Variants in MEI4 observed in about 807,000 individuals in gnomAD.
MEI4 encodes the protein meiosis-specific protein MEI4.
In MEI4, 27 loss-of-function variants were observed where a neutral mutation model predicts 31.4. The ratio of observed to expected loss-of-function variants is 0.86; its 90% CI spans 0.63 to 1.19. The LOEUF is 1.19. Ranked by LOEUF, MEI4 falls within the 50% of genes most tolerant of loss-of-function variation. The probability of loss-of-function intolerance (pLI) is 0.00; values close to 1 mark genes in which losing one functional copy is unlikely to be tolerated. For synonymous variants in MEI4, 122 were observed against 145.4 expected (o/e 0.84, Z 1.16); for missense variants, 329 against 398.9 (o/e 0.82, Z 1.49).
In MEI4 at chr6:77,795,415, T is replaced by C. The variant is rs147963952; in HGVS notation, c.769-33516T>C. ...TGCACTCACATCAAAATACAAGCCTTTTGTCCTACCTACCCTTGACCTAGC... is the reference window on the plus strand; with the variant it reads ...TGCACTCACATCAAAATACAAGCCTCTTGTCCTACCTACCCTTGACCTAGC... On this transcript the variant is annotated intron_variant, in intron 3 of 4. Transcript: ENST00000684080. Among the ~76,000 whole-genome samples, 154 of 152,142 alleles carry C rather than the reference T, an allele frequency of 1.0e-3. 1 individual carries two copies. The highest frequency in any genetic ancestry group is 3.5e-3 in the African/African-American group (144 of 41,534).
At position 77,907,993 on chromosome 6, in the gene MEI4, G is replaced by GTT. The variant is rs36134334; in HGVS notation, c.901-15084_901-15083dup. Among the ~76,000 whole-genome samples, 351 of 144,298 alleles carry GTT rather than the reference G, an allele frequency of 2.4e-3. 2 individuals carry two copies. The highest frequency in any genetic ancestry group is 5.4e-3 in the South Asian group (25 of 4,622). 94.7% of individuals were successfully genotyped at this position (144,298 alleles called of 152,430 possible). A position where few individuals can be genotyped will look rare whatever the true frequency, so the allele number is the denominator to read the frequency against. ...TATCCTTCACGCACTTGTTGATGGG[G>GTT]TTTTTTTTTTTTTCTTGTAAATTTG... On this transcript the variant is annotated intron_variant, in intron 4 of 4. Coordinates refer to ENST00000684080, the MANE Select transcript of MEI4 (RefSeq NM_001322247.2).
chr6:77,791,579 C>T (rs1768935130), intron 3 of MEI4, among the ~76,000 whole-genome samples: 1 of 148,668 alleles, frequency 6.7e-6, no homozygotes, highest in South Asian at 2.1e-4. Flanking sequence ...ATACCTAATG[C>T]TAGATGACGA....
intron 4 of MEI4, among the ~76,000 whole-genome samples, chr6:77,875,139 T>C (rs1320705552): frequency 1.3e-5 from 2 of 152,226 alleles, no homozygotes; most frequent in African/African-American, 4.8e-5. Flanking sequence ...TCAGCTTCCT[T>C]GAGGGTCCCA....
Position 77,715,221 on chromosome 6 carries a change from A to C in MEI4, c.232+24318A>C, listed in dbSNP as rs370982581. Among the ~76,000 whole-genome samples the C allele has an allele frequency of 1.1e-4, 17 of 152,294 alleles. 1 individual carries two copies. In the East Asian group the frequency reaches 2.3e-3, roughly 21 times the overall value. On this transcript the variant is annotated intron_variant, in intron 2 of 4. Transcript: ENST00000684080. ...AAGAGATTATTCTGCTCTCTTGGTT[A>C]AGTGTATTTAATTTCCTAGACCACT...
intron 2 of MEI4, among the ~76,000 whole-genome samples, chr6:77,713,378 T>C (rs926076962): frequency 6.6e-6 from 1 of 151,972 alleles, no homozygotes; most frequent in Non-Finnish European, 1.5e-5. Flanking sequence ...ATTTTTTTGT[T>C]TGTTTGTTTT....
chr6:77,862,409 G>A (rs375716536), intron 4 of MEI4, among the ~76,000 whole-genome samples: 2 of 152,188 alleles, frequency 1.3e-5, no homozygotes, highest in African/African-American at 2.4e-5. Context: ...CTTAGCAAAC[G>A]GCACAACAGG....
intron 4 of MEI4, among the ~76,000 whole-genome samples, chr6:77,920,607 G>T (rs1008995259): frequency 1.3e-5 from 2 of 151,740 alleles, no homozygotes; most frequent in African/African-American, 4.8e-5. Context: ...CTTCCGGAAG[G>T]TTTCCAATTT....
At chr6:77,859,719 C>T (rs908839207) in intron 4 of MEI4, among the ~76,000 whole-genome samples, 1 of 152,014 alleles carries the variant, frequency 6.6e-6, no homozygotes, top group Non-Finnish European at 1.5e-5. Context: ...GCTACTCGTG[C>T]ATATTAAATC....
chr6:77,883,745 A>ATATATATATATATCT (rs55947073), intron 4 of MEI4, among the ~76,000 whole-genome samples: 1 of 82,302 alleles, frequency 1.2e-5, no homozygotes, highest in Admixed American at 1.3e-4. Flanking sequence ...TATATATATA[A>ATATATATATATATCT]CTTTGTCTTT....
rs1381284572 is a variant in MEI4, at chr6:77,847,661, A to T, written c.900+18599A>T. Among the ~76,000 whole-genome samples, 2 of 152,056 alleles carry T rather than the reference A, an allele frequency of 1.3e-5. No individual in the cohort carries two copies. Among genetic ancestry groups the T allele is most frequent in the African/African-American group, 4.8e-5 (2 of 41,516 alleles). The stretch of plus-strand genomic sequence containing the variant: ...GGAAAGGAGCAGCCATTTCTTTCCT[A>T]CTCCGATCTTTGTATTATAGACATT... On this transcript the variant is annotated intron_variant, in intron 4 of 4. Transcript: ENST00000684080. The surrounding 1 kb of genome is among the most constrained non-coding windows in gnomAD (Gnocchi z 4.6).
chr6:77,689,680 G>A (rs1769121795), intron 1 of MEI4, among the ~76,000 whole-genome samples: 1 of 152,042 alleles, frequency 6.6e-6, no homozygotes, highest in Non-Finnish European at 1.5e-5. Context: ...ATCTGGTTGA[G>A]TGTGATCCAA....
intron 2 of MEI4, among the ~76,000 whole-genome samples, chr6:77,720,639 T>C (rs1405423210): frequency 3.1e-5 from 4 of 127,858 alleles, no homozygotes; most frequent in Admixed American, 7.9e-5. Context: ...TGCAATGTTG[T>C]ACAATATCTT....
At chr6:77,685,073 AGTTTT>A (rs1769029196) in intron 1 of MEI4, among the ~76,000 whole-genome samples, 1 of 152,122 alleles carries the variant, frequency 6.6e-6, no homozygotes, top group African/African-American at 2.4e-5. Context: ...ATCTAATTGT[AGTTTT>A]GATTTGCGTT....
chr6:77,791,420 CT>C (rs1185827927), intron 3 of MEI4, among the ~76,000 whole-genome samples: 104 of 150,450 alleles, frequency 6.9e-4, no homozygotes, highest in African/African-American at 2.5e-3. Flanking sequence ...TCTCAGTAAA[CT>C]ATCGCAAGAA....
At chr6:77,693,853 A>AT (rs1453209970) in intron 2 of MEI4, among the ~76,000 whole-genome samples, 3 of 152,018 alleles carry the variant, frequency 2.0e-5, no homozygotes, top group Admixed American at 6.6e-5. Context: ...ATTATTACAT[A>AT]TTTTTTCTAG....
chr6:77,727,352 AG>A (rs1766853868), intron 2 of MEI4, among the ~76,000 whole-genome samples: 1 of 152,220 alleles, frequency 6.6e-6, no homozygotes, highest in Non-Finnish European at 1.5e-5. Flanking sequence ...TGAAGATTAA[AG>A]GGGATTTTAT....
intron 3 of MEI4, among the ~76,000 whole-genome samples, chr6:77,778,698 C>A (rs1768520167): frequency 6.7e-6 from 1 of 148,214 alleles, no homozygotes; most frequent in Non-Finnish European, 1.5e-5. Context: ...AGACCTGAGA[C>A]CCTGTCTCAA....
intron 4 of MEI4, among the ~76,000 whole-genome samples, chr6:77,921,752 G>A (rs9443489): frequency 0.094 from 14,287 of 151,746 alleles, 2,069 homozygotes; most frequent in African/African-American, 0.31. Flanking sequence ...CAGAGAATAA[G>A]GAGGCCTAAG....
chr6:77,671,594 G>C (rs112083026), intron 1 of MEI4, among the ~76,000 whole-genome samples: 51 of 152,206 alleles, frequency 3.4e-4, no homozygotes, highest in African/African-American at 1.2e-3. Flanking sequence ...TTTTGAAGTA[G>C]CAACAAATCA....
Sources: gnomAD v4.1 joint callset for allele counts (sites outside exome capture counted in the v4.1 genomes callset) on GRCh38, gnomAD v4.1.1 for gene constraint, Gnocchi (gnomAD v3.1) non-coding constraint, MANE v1.5 for transcripts, NCBI Gene and HGNC (gene_info 2026-07-23, HGNC 2026-07-21) for gene names.